PRKCA: variants seen among roughly 807,000 people sequenced by gnomAD.
The protein encoded by PRKCA is protein kinase C alpha type.
In PRKCA, 27 loss-of-function variants were observed where a neutral mutation model predicts 87.0. The observed-to-expected ratio is 0.31, with a 90% CI of 0.23 to 0.43. PRKCA has a LOEUF of 0.43. Among genes scored for constraint, PRKCA ranks in the 20% least tolerant of loss-of-function variants. PRKCA has a pLI of 1.00. For synonymous variants in PRKCA, 329 were observed against 311.1 expected (o/e 1.06, Z -0.61); for missense variants, 518 against 852.3 (o/e 0.61, Z 4.88).
intron 3 of PRKCA, among the ~76,000 whole-genome samples, chr17:66,514,547 A>G (rs1966901517): frequency 6.6e-6 from 1 of 152,142 alleles, no homozygotes; most frequent in Non-Finnish European, 1.5e-5. Flanking sequence ...AATGTCCAGA[A>G]CAGGGCAGTC....
chr17:66,722,494 A>G (rs1973639745), intron 8 of PRKCA, among the ~76,000 whole-genome samples: 1 of 152,234 alleles, frequency 6.6e-6, no homozygotes, highest in Non-Finnish European at 1.5e-5. Context: ...ACCCCCATGT[A>G]GGCGAATTTG....
chr17:66,671,055 C>CA (rs1378465686), intron 5 of PRKCA, among the ~76,000 whole-genome samples: 10 of 149,584 alleles, frequency 6.7e-5, no homozygotes, highest in East Asian at 2.0e-4. Context: ...ACTAAAAATA[C>CA]AAAAAATTAG....
At chr17:66,336,796 G>A (rs1317679346) in intron 2 of PRKCA, among the ~76,000 whole-genome samples, 1 of 141,366 alleles carries the variant, frequency 7.1e-6, no homozygotes, top group African/African-American at 2.5e-5. Context: ...GTGTGTGTGT[G>A]TGTGTGTTTG....
intron 14 of PRKCA, among the ~76,000 whole-genome samples, chr17:66,784,160 A>G (rs1175163450): frequency 6.6e-6 from 1 of 152,168 alleles, no homozygotes; most frequent in African/African-American, 2.4e-5. Flanking sequence ...CTGCCAGGGC[A>G]CATTTACATT....
chr17:66,501,433 G>A (rs374044463), intron 3 of PRKCA, among the ~76,000 whole-genome samples: 69 of 152,168 alleles, frequency 4.5e-4, no homozygotes, highest in African/African-American at 1.6e-3. Context: ...CTTTAAGTCC[G>A]TCCCCATACA....
intron 3 of PRKCA, among the ~76,000 whole-genome samples, chr17:66,593,059 G>A (rs1036636717): frequency 2.1e-4 from 32 of 152,088 alleles, no homozygotes; most frequent in Non-Finnish European, 3.8e-4. Context: ...CAAAGTGCTG[G>A]GATTATAGGC....
intron 3 of PRKCA, among the ~76,000 whole-genome samples, chr17:66,575,845 G>C (rs1409701117): frequency 6.6e-6 from 1 of 152,116 alleles, no homozygotes; most frequent in East Asian, 1.9e-4. Flanking sequence ...GACCGGGCAC[G>C]TGGCTCATGC....
At chr17:66,605,747 A>G (rs1359347633) in intron 3 of PRKCA, among the ~76,000 whole-genome samples, 1 of 152,260 alleles carries the variant, frequency 6.6e-6, no homozygotes, top group African/African-American at 2.4e-5. Flanking sequence ...ATTAGGCAAC[A>G]AAAAGGAATG....
chr17:66,530,390 C>T (rs1967497067), intron 3 of PRKCA, among the ~76,000 whole-genome samples: 1 of 152,080 alleles, frequency 6.6e-6, no homozygotes, highest in Admixed American at 6.6e-5. Context: ...TAAGGTTCTC[C>T]CAAAACAGGG....
intron 2 of PRKCA, among the ~76,000 whole-genome samples, chr17:66,395,466 G>A (rs1395792838): frequency 6.6e-6 from 1 of 152,102 alleles, no homozygotes; most frequent in Non-Finnish European, 1.5e-5. Context: ...TATACTTAGA[G>A]CACACCTCAA....
intron 16 of PRKCA, among the ~76,000 whole-genome samples, chr17:66,790,024 C>A (rs1396782519): frequency 6.6e-6 from 1 of 152,214 alleles, no homozygotes; most frequent in Non-Finnish European, 1.5e-5. Context: ...TGCCCGGGGA[C>A]TGCAGAGAGC....
At chr17:66,331,746 A>T (rs768111982) in intron 2 of PRKCA, among the ~76,000 whole-genome samples, 17 of 152,202 alleles carry the variant, frequency 1.1e-4, no homozygotes, top group Non-Finnish European at 2.1e-4. Flanking sequence ...AGCGACCGAG[A>T]GAAGGGTTGG....
At chr17:66,706,964 TG>T (rs1973208338) in intron 8 of PRKCA, among the ~76,000 whole-genome samples, 1 of 152,182 alleles carries the variant, frequency 6.6e-6, no homozygotes, top group Admixed American at 6.5e-5. Context: ...TGTTTGTTGA[TG>T]GGGAAACAAA....
intron 13 of PRKCA, among the ~76,000 whole-genome samples, chr17:66,765,719 A>G (rs2144313069): frequency 6.6e-6 from 1 of 151,952 alleles, no homozygotes; most frequent in South Asian, 2.1e-4. Flanking sequence ...GTGGCTCTAG[A>G]CAGCTGAATA....
chr17:66,504,995 C>A (rs1280430530), intron 3 of PRKCA, among the ~76,000 whole-genome samples: 1 of 152,180 alleles, frequency 6.6e-6, no homozygotes, highest in African/African-American at 2.4e-5. Context: ...TGAAACCACC[C>A]TCGGCACTTG....
chr17:66,488,968 C>A lies in PRKCA; in HGVS notation c.206-7233C>A, dbSNP rs543311966. Among the ~76,000 whole-genome samples the A allele has an allele frequency of 3.9e-5, 6 of 152,214 alleles. No individual in the cohort carries two copies. In the South Asian group the frequency reaches 1.0e-3, roughly 26 times the overall value. ...ATTACTTTCCCTACAAAGCTGAAAG[C>A]GGTTGACTTGCCTTAGAGATTTTCC... On this transcript the variant is annotated intron_variant, in intron 2 of 16. Coordinates refer to ENST00000413366, the MANE Select transcript of PRKCA (RefSeq NM_002737.3).
chr17:66,808,033 C>T lies in PRKCA; in HGVS notation c.*3996C>T, dbSNP rs555548366. ...AGTCTGTTCCTCCTCAGAAAACACC[C>T]CCCAAATGCTAACAACATCCCCACC... On this transcript the variant is annotated 3_prime_UTR_variant, in exon 17 of 17. Transcript: ENST00000413366. The T allele has an allele frequency of 2.0e-5, 3 of 152,296 alleles. No homozygotes were observed. The South Asian group carries it at 6.2e-4, about 32-fold the overall frequency. 9.4% of individuals were successfully genotyped at this position (152,296 alleles called of 1,614,324 possible).
chr17:66,514,252 A>G (rs1039564829), intron 3 of PRKCA, among the ~76,000 whole-genome samples: 1 of 152,162 alleles, frequency 6.6e-6, no homozygotes, highest in Non-Finnish European at 1.5e-5. Context: ...TAGGCCCTAC[A>G]GATAAAAGGG....
intron 2 of PRKCA, among the ~76,000 whole-genome samples, chr17:66,440,764 G>A (rs1449772803): frequency 2.0e-5 from 3 of 152,100 alleles, no homozygotes. Context: ...GATGACTCAG[G>A]CCGGGAACCC....
Sources: allele counts gnomAD v4.1 joint callset (sites outside exome capture counted in the v4.1 genomes callset), GRCh38; gene constraint gnomAD v4.1.1; transcripts MANE v1.5; gene names NCBI Gene and HGNC (gene_info 2026-07-23, HGNC 2026-07-21).